The following DDR2 variants were observed in gnomAD, a reference collection of about 807,000 sequenced individuals.
DDR2 encodes discoidin domain-containing receptor 2.
A neutral mutation model predicts 94.9 loss-of-function variants in DDR2; 27 were observed. The ratio of observed to expected loss-of-function variants is 0.28; its 90% CI spans 0.21 to 0.39. The LOEUF is 0.39. DDR2 is among the 10% of genes least tolerant of loss of function. The pLI, the probability that DDR2 is intolerant of heterozygous loss-of-function variation, is 1.00. For synonymous variants in DDR2, 382 were observed against 377.2 expected (o/e 1.01, Z -0.15); for missense variants, 783 against 1,076.0 (o/e 0.73, Z 3.81).
intron 2 of DDR2, among the ~76,000 whole-genome samples, chr1:162,666,495 C>T (rs778476010): frequency 7.9e-5 from 12 of 152,278 alleles, no homozygotes; most frequent in Non-Finnish European, 1.8e-4. Context: ...GATCATTGCT[C>T]TGACTTACTA....
At chr1:162,670,727 T>C (rs1335281980) in intron 2 of DDR2, among the ~76,000 whole-genome samples, 1 of 152,220 alleles carries the variant, frequency 6.6e-6, no homozygotes, top group African/African-American at 2.4e-5. Flanking sequence ...CTGATTTCAG[T>C]TGCTTTAACC....
chr1:162,779,222 GC>G (rs1215192066), intron 17 of DDR2, among the ~76,000 whole-genome samples: 2 of 152,106 alleles, frequency 1.3e-5, no homozygotes, highest in Non-Finnish European at 2.9e-5. Context: ...GCATCTCTGG[GC>G]CCAGTATTGT....
In DDR2 at chr1:162,785,062, G is replaced by A. The variant is rs1214513494; in HGVS notation, c.*4816G>A. On this transcript the variant is annotated 3_prime_UTR_variant, in exon 18 of 18. Transcript: ENST00000367921. ...GTTCCTTTGTCATGAGCAATACCCT[G>A]CCTACACTGCTTCTAAATTTTCTGA... The A allele has an allele frequency of 6.6e-6, 1 of 152,194 alleles. No homozygotes were observed. Among genetic ancestry groups the A allele is most frequent in the Non-Finnish European group, 1.5e-5 (1 of 68,034 alleles). 9.4% of individuals were successfully genotyped at this position (152,194 alleles called of 1,614,324 possible). A position where few individuals can be genotyped will look rare whatever the true frequency, so the allele number is the denominator to read the frequency against.
chr1:162,748,548 T>C (rs1325470259), intron 3 of DDR2, among the ~76,000 whole-genome samples: 1 of 152,054 alleles, frequency 6.6e-6, no homozygotes, highest in Non-Finnish European at 1.5e-5. Flanking sequence ...TCCCACAGAA[T>C]CATAATGGGA....
chr1:162,670,993 C>T (rs1346387975), intron 2 of DDR2, among the ~76,000 whole-genome samples: 2 of 152,168 alleles, frequency 1.3e-5, no homozygotes, highest in Non-Finnish European at 2.9e-5. Context: ...ACCTTTTCTT[C>T]ATGTGCCAGG....
intron 3 of DDR2, among the ~76,000 whole-genome samples, chr1:162,727,416 G>C (rs1326102480): frequency 7.0e-6 from 1 of 143,022 alleles, no homozygotes; most frequent in African/African-American, 2.6e-5. Flanking sequence ...ATTTATGTAA[G>C]TATATTTATG....
intron 9 of DDR2, among the ~76,000 whole-genome samples, chr1:162,765,171 T>C (rs1056326463): frequency 1.4e-4 from 22 of 152,146 alleles, no homozygotes; most frequent in Admixed American, 4.6e-4. Context: ...TTATTATAGC[T>C]AATTATAGCT....
upstream of DDR2, among the ~76,000 whole-genome samples, chr1:162,631,775 T>C (rs1428707967): frequency 6.6e-6 from 1 of 152,128 alleles, no homozygotes; most frequent in Non-Finnish European, 1.5e-5. Context: ...CACAAAATAA[T>C]TTAGAAAGTC....
intron 2 of DDR2, among the ~76,000 whole-genome samples, chr1:162,682,823 G>T (rs183279388): frequency 2.3e-4 from 35 of 152,258 alleles, no homozygotes; most frequent in Admixed American, 2.0e-3. Flanking sequence ...ACAATGTTTA[G>T]CAGAGTGCTT....
At position 162,782,565 on chromosome 1, in the gene DDR2, C is replaced by A. The variant is rs747580736; in HGVS notation, c.*2319C>A. 1 of 14,908 alleles carries A rather than the reference C, an allele frequency of 6.7e-5. No homozygotes were observed. Among genetic ancestry groups the A allele is most frequent in the Non-Finnish European group, 2.8e-4 (1 of 3,512 alleles). The allele number at this position is 14,908 out of a possible 1,614,324, so 0.9% of individuals were successfully genotyped here. ...GAATTAAAGGGACTTGAACTCAGGACCTGCAGCCTATTCTTCTTTATCCAC... is the reference window on the plus strand; with the variant it reads ...GAATTAAAGGGACTTGAACTCAGGAACTGCAGCCTATTCTTCTTTATCCAC... On this transcript the variant is annotated 3_prime_UTR_variant, in exon 18 of 18. Transcript: ENST00000367921.
chr1:162,719,212 A>G, intron 3 of DDR2, 67 bp downstream of exon 3: 2 of 1,611,182 alleles, frequency 1.2e-6, no homozygotes, highest in African/African-American at 1.3e-5. Flanking sequence ...TCAATGTTCA[A>G]TGGTGGGTCT....
intron 16 of DDR2, among the ~76,000 whole-genome samples, chr1:162,776,786 C>A (rs1647585730): frequency 1.3e-5 from 2 of 152,038 alleles, no homozygotes; most frequent in African/African-American, 4.8e-5. Flanking sequence ...CAATACTTTT[C>A]AACATGTTCT....
rs1161735868 is a variant in DDR2 at position 162,772,025 on chromosome 1, C to A, written c.1506C>A (p.Gly502=). 3 of 1,602,654 alleles carry A rather than the reference C, an allele frequency of 1.9e-6. No individual in the cohort carries two copies. The highest frequency in any genetic ancestry group is 2.6e-6 in the Non-Finnish European group (3 of 1,174,858). ...GGCTCGTTGCCCTTGTCTTCCCAGG[C>A]TGCAGCGGTGTTGTGAAGCCAGTCC... ...PEFAPGEEES[G]CSGVVKPVQP... is the part of the protein sequence containing the mutation. The change falls in exon 13 of 18, where the codon GGC becomes GGA. Residue 502 remains glycine, a splice_region_variant and synonymous_variant. Transcript: ENST00000367921.
At chr1:162,646,515 A>G (rs1657414802) in intron 1 of DDR2, among the ~76,000 whole-genome samples, 1 of 152,230 alleles carries the variant, frequency 6.6e-6, no homozygotes, top group Non-Finnish European at 1.5e-5. Flanking sequence ...TGACACCAAG[A>G]AAAGGTCAAT....
intron 9 of DDR2, among the ~76,000 whole-genome samples, chr1:162,765,626 T>C (rs1663949827): frequency 6.6e-6 from 1 of 151,876 alleles, no homozygotes; most frequent in African/African-American, 2.4e-5. Context: ...GGAAAAAGCA[T>C]CTTAACACTA....
intron 2 of DDR2, among the ~76,000 whole-genome samples, chr1:162,713,761 T>C (rs1440987452): frequency 6.6e-6 from 1 of 152,170 alleles, no homozygotes; most frequent in African/African-American, 2.4e-5. Context: ...TAGACATTTT[T>C]CTAAGTTTTT....
intron 2 of DDR2, among the ~76,000 whole-genome samples, chr1:162,666,563 G>GA (rs1224933279): frequency 2.0e-5 from 3 of 152,076 alleles, no homozygotes; most frequent in Admixed American, 6.6e-5. Flanking sequence ...CCCAGCTGTT[G>GA]AAAAAATGTG....
At chr1:162,750,765 C>T (rs536411260) in intron 3 of DDR2, among the ~76,000 whole-genome samples, 3 of 152,140 alleles carry the variant, frequency 2.0e-5, no homozygotes, top group Non-Finnish European at 4.4e-5. Context: ...GCTACAGTAA[C>T]CAAAACAGCA....
chr1:162,729,900 C>A (rs952727978), intron 3 of DDR2, among the ~76,000 whole-genome samples: 1 of 151,760 alleles, frequency 6.6e-6, no homozygotes, highest in Non-Finnish European at 1.5e-5. Flanking sequence ...TGCACCACCA[C>A]GCCTGGCTAA....
Sources: allele counts gnomAD v4.1 joint callset (sites outside exome capture counted in the v4.1 genomes callset), GRCh38; gene constraint gnomAD v4.1.1; transcripts MANE v1.5; gene names NCBI Gene and HGNC (gene_info 2026-07-23, HGNC 2026-07-21).